Variants in HEATR5A observed in about 807,000 individuals in gnomAD.
The protein encoded by HEATR5A is HEAT repeat-containing protein 5A.
Under a neutral mutation model 218.8 loss-of-function variants are expected in HEATR5A, and 178 were observed. That is an observed-to-expected ratio of 0.81 (90% confidence interval 0.72 to 0.92). HEATR5A has a LOEUF of 0.92. HEATR5A is among the 40% of genes least tolerant of loss of function. HEATR5A has a pLI of 0.00. For missense variants in HEATR5A, 2,420 were observed against 2,418.9 expected, an observed-to-expected ratio of 1.00 and a Z score of -0.01; for synonymous variants, 864 against 871.6, an observed-to-expected ratio of 0.99 and a Z score of 0.15.
At chr14:31,294,168 C>A (rs1899102726) in intron 34 of HEATR5A, 64 bp from the exon 35 acceptor site, 1 of 1,096,558 alleles carries the variant, frequency 9.1e-7, no homozygotes, top group Non-Finnish European at 1.3e-6. Context: ...TCCCTGAGGA[C>A]TCTTTGCTTT....
Position 31,387,199 on chromosome 14 carries a change from A to G in HEATR5A, c.1110T>C (p.Gly370=), listed in dbSNP as rs763232425. ...CVSFILRTTI[G]GLLGEKAQLA... is the part of the protein sequence containing the mutation. ...GCTGAGCCTTTTCTCCAAGAAGACC[A>G]CCTATAGTAGTTCGAAGAATAAATG... Residue 370 remains glycine (G), a synonymous_variant, in exon 8 of 36, where the codon GGT becomes GGC. Transcript: ENST00000543095. 6.2e-7 allele frequency: 1 copy of G among 1,613,780 alleles called. No individual in the cohort carries two copies. The highest frequency in any genetic ancestry group is 1.7e-5 in the Admixed American group (1 of 60,002).
chr14:31,371,991 T>C (rs1176106936), intron 12 of HEATR5A, 82 bp from the exon 13 acceptor site: 3 of 612,204 alleles, frequency 4.9e-6, no homozygotes, highest in Middle Eastern at 2.6e-4. Context: ...AACATTAGCA[T>C]TGTTATTAGA....
Position 31,320,578 on chromosome 14 carries a change from C to T in HEATR5A, c.3969+921G>A, listed in dbSNP as rs1458359001. The T allele has an allele frequency of 7.6e-6, 6 of 794,564 alleles. No individual in the cohort carries two copies. The East Asian group carries it at 1.3e-4, about 17-fold the overall frequency. 49.2% of individuals were successfully genotyped at this position (794,564 alleles called of 1,614,324 possible). ...AGGCAGACACAGGCCTGATTAGACC[C>T]CTGGTACAACAGCAGATCAGAGCTG... On this transcript the variant is annotated intron_variant, in intron 25 of 35. Coordinates refer to ENST00000543095, the MANE Select transcript of HEATR5A (RefSeq NM_015473.4).
intron 1 of HEATR5A, among the ~76,000 whole-genome samples, chr14:31,405,764 C>G (rs2031040186): frequency 6.6e-6 from 1 of 152,150 alleles, no homozygotes; most frequent in Admixed American, 6.5e-5. Flanking sequence ...TCAAATTACC[C>G]TTTCTAGAAA....
chr14:31,378,086 C>T (rs1385475898), intron 11 of HEATR5A, among the ~76,000 whole-genome samples: 2 of 152,138 alleles, frequency 1.3e-5, no homozygotes, highest in Non-Finnish European at 2.9e-5. Context: ...GCATGAACAC[C>T]CAGCAATAAG....
intron 27 of HEATR5A, 41 bp from the exon 28 acceptor site, chr14:31,313,231 G>A: frequency 6.8e-7 from 1 of 1,463,722 alleles, no homozygotes; most frequent in Non-Finnish European, 9.5e-7. Context: ...TCTTTTATCT[G>A]CTGAAAAGGT....
intron 22 of HEATR5A, among the ~76,000 whole-genome samples, chr14:31,334,037 CAAAAAAAAAAAAA>C (rs58087742): frequency 2.3e-5 from 2 of 87,920 alleles, no homozygotes; most frequent in Non-Finnish European, 4.2e-5. Flanking sequence ...GACCCTGTCT[CAAAAAAAAAAAAA>C]AAAAAAAAGA....
At chr14:31,362,387 T>G (rs1250488363) in intron 14 of HEATR5A, among the ~76,000 whole-genome samples, 2 of 151,414 alleles carry the variant, frequency 1.3e-5, no homozygotes, top group Non-Finnish European at 2.9e-5. Flanking sequence ...AAACTCCAAT[T>G]CTGAGAAAAT....
In HEATR5A at chr14:31,302,310, C is replaced by G. The variant is rs1899409967; in HGVS notation, c.5449G>C (p.Asp1817His). 3 of 1,595,052 alleles carry G rather than the reference C, an allele frequency of 1.9e-6. No homozygotes were observed. Among genetic ancestry groups the G allele is most frequent in the African/African-American group, 1.3e-5 (1 of 74,634 alleles). Residue 1817 changes from aspartate (D) to histidine (H), a missense_variant, in exon 33 of 36, where the codon GAC (aspartate) becomes CAC (histidine). Asp to His is a moderately conservative substitution (Grantham distance 81, BLOSUM62 -1). Coordinates refer to ENST00000543095, the MANE Select transcript of HEATR5A (RefSeq NM_015473.4). ...CCTCAATTACCTGGATCCCAACAGT[C>G]AAGAATTGTTGTTAAGGCACTTCGG... Reference protein sequence around the residue: ...LLRSALTTILDCWDPVDETHQ... With the variant: ...LLRSALTTILHCWDPVDETHQ...
rs1316068215 is a variant in HEATR5A, at chr14:31,291,940, C to G, written c.*1365G>C. The G allele has an allele frequency of 6.6e-6, 1 of 152,126 alleles. No homozygotes were observed. The highest frequency in any genetic ancestry group is 1.5e-5 in the Non-Finnish European group (1 of 68,010). 9.4% of individuals were successfully genotyped at this position (152,126 alleles called of 1,614,324 possible). A position where few individuals can be genotyped will look rare whatever the true frequency, so the allele number is the denominator to read the frequency against. ...TCACATTGTTCTTGCTTCAAAATGT[C>G]TTCTCAATTCTGACATGCTTCTATC... On this transcript the variant is annotated 3_prime_UTR_variant, in exon 36 of 36. Coordinates refer to ENST00000543095, the MANE Select transcript of HEATR5A (RefSeq NM_015473.4).
At chr14:31,405,266 T>A (rs911489657) in intron 1 of HEATR5A, among the ~76,000 whole-genome samples, 2 of 152,046 alleles carry the variant, frequency 1.3e-5, no homozygotes, top group East Asian at 3.9e-4. Context: ...AAACCCCATC[T>A]CTACGAAAAA....
rs150508389 is a variant in HEATR5A at position 31,392,525 on chromosome 14, T to G, written c.772+1527A>C. ...AATCTCATAGCTTAAATTCCATCTC[T>G]ATATTAGAGATTCCTGAATAATCAC... On this transcript the variant is annotated intron_variant, in intron 6 of 35. Transcript: ENST00000543095. 9.8e-3 allele frequency among the ~76,000 whole-genome samples: 1,498 copies of G among 152,340 alleles called. 19 individuals carry two copies. Among genetic ancestry groups the G allele is most frequent in the African/African-American group, 0.034 (1,422 of 41,570 alleles).
At position 31,347,848 on chromosome 14, in the gene HEATR5A, A is replaced by G. The variant is rs1379096464; in HGVS notation, c.2768T>C (p.Leu923Pro). 2.5e-6 allele frequency: 4 copies of G among 1,589,056 alleles called. No homozygotes were observed. Among genetic ancestry groups the G allele is most frequent in the Admixed American group, 1.8e-5 (1 of 55,722 alleles). ...ACTTATTCCTCCTAAATACCTATGT[A>G]GGGACCCCAAGGCCAATGAGTGTCC... The part of the protein sequence containing the change: ...RTGHSLALGS[L>P]HRYLGGISSS... The change falls in exon 19 of 36, where the codon CTA (leucine) becomes CCA (proline). Residue 923 changes from leucine (L) to proline (P), a missense_variant. By Grantham distance (98) the Leu-to-Pro change is moderately conservative. Transcript: ENST00000543095.
rs564988623 is a variant in HEATR5A, at chr14:31,405,158, G to A, written c.-74-2109C>T. On this transcript the variant is annotated intron_variant, in intron 1 of 35. Coordinates refer to ENST00000543095, the MANE Select transcript of HEATR5A (RefSeq NM_015473.4). ...CAAAGAATATAAACGATGTGACCAG[G>A]TGTGGTGGCTCACACCTGTAATCCC... is the stretch of plus-strand genomic sequence containing the variant. Among the ~76,000 whole-genome samples, 13 of 151,968 alleles carry A rather than the reference G, an allele frequency of 8.6e-5. No homozygotes were observed. The South Asian group carries it at 2.7e-3, about 32-fold the overall frequency.
At chr14:31,333,043 C>T (rs1900528811) in intron 22 of HEATR5A, among the ~76,000 whole-genome samples, 2 of 151,580 alleles carry the variant, frequency 1.3e-5, no homozygotes, top group South Asian at 2.1e-4. Flanking sequence ...CAGAGCAAGG[C>T]CCTACCTCTC....
At chr14:31,360,070 G>A (rs938106291) in intron 14 of HEATR5A, among the ~76,000 whole-genome samples, 10 of 147,562 alleles carry the variant, frequency 6.8e-5, no homozygotes, top group Admixed American at 6.1e-4. Flanking sequence ...AAAAGCCACT[G>A]AACATCAGGT....
chr14:31,294,111 A>C lies in HEATR5A; in HGVS notation c.5620-7T>G. On this transcript the variant is annotated splice_polypyrimidine_tract_variant and splice_region_variant and intron_variant, in intron 34 of 35. Transcript: ENST00000543095. ...GGTAGGTCTTGATTTGTACCTAATA[A>C]GGTAAGAGAAAAGAATAGCAAATAC... 2 of 1,540,832 alleles carry C rather than the reference A, an allele frequency of 1.3e-6. No homozygotes were observed. Among genetic ancestry groups the C allele is most frequent in the African/African-American group, 1.4e-5 (1 of 73,132 alleles).
At chr14:31,405,839 GATCT>G (rs2031042342) in intron 1 of HEATR5A, among the ~76,000 whole-genome samples, 1 of 152,122 alleles carries the variant, frequency 6.6e-6, no homozygotes, top group South Asian at 2.1e-4. Flanking sequence ...GGTGTAAAAT[GATCT>G]ATCAAGAAGC....
intron 27 of HEATR5A, among the ~76,000 whole-genome samples, chr14:31,313,878 A>G (rs950594123): frequency 3.3e-5 from 5 of 152,180 alleles, no homozygotes; most frequent in African/African-American, 1.2e-4. Context: ...ATTTATCTTT[A>G]TTGAAGAAAT....
Sources: gnomAD v4.1 joint callset for allele counts (sites outside exome capture counted in the v4.1 genomes callset) on GRCh38, gnomAD v4.1.1 for gene constraint, MANE v1.5 for transcripts, NCBI Gene and HGNC (gene_info 2026-07-23, HGNC 2026-07-21) for gene names.